RFX3: variants seen among roughly 807,000 people sequenced by gnomAD.
RFX3 encodes the protein regulatory factor X3.
RFX3 carries 14 observed loss-of-function variants against 98.6 expected under a neutral mutation model. The ratio of observed to expected loss-of-function variants is 0.14; its 90% CI spans 0.09 to 0.22. The LOEUF is 0.22. RFX3 is among the 10% of genes least tolerant of loss of function. RFX3 has a pLI of 1.00. For missense variants in RFX3, 639 were observed against 926.9 expected, an observed-to-expected ratio of 0.69 and a Z score of 4.03; for synonymous variants, 383 against 328.4, an observed-to-expected ratio of 1.17 and a Z score of -1.80.
At chr9:3,449,240 T>G (rs1319071594) in intron 1 of RFX3, among the ~76,000 whole-genome samples, 1 of 152,196 alleles carries the variant, frequency 6.6e-6, no homozygotes, top group Non-Finnish European at 1.5e-5. Context: ...AAGATCATTG[T>G]TTCTAGGCTC....
chr9:3,466,406 A>G (rs914742141), intron 1 of RFX3, among the ~76,000 whole-genome samples: 1 of 152,218 alleles, frequency 6.6e-6, no homozygotes, highest in African/African-American at 2.4e-5. Flanking sequence ...AAAAGAAAAA[A>G]ATGTGATGCA....
intron 16 of RFX3, among the ~76,000 whole-genome samples, chr9:3,227,808 G>C (rs1158517256): frequency 6.6e-6 from 1 of 152,098 alleles, no homozygotes; most frequent in Admixed American, 6.6e-5. Context: ...GTATATATTT[G>C]TAGCAACAAT....
In RFX3 at chr9:3,225,423, C is replaced by A. The variant is rs1351441345; in HGVS notation, c.2012-143G>T. On this transcript the variant is annotated intron_variant, in intron 16 of 16. Transcript: ENST00000617270. The stretch of plus-strand genomic sequence containing the variant: ...TCAGGAAACAAAGCTTAGAGGTTTT[C>A]TTTTCATCAGATTTTATTCATATCA... 3 of 1,279,930 alleles carry A rather than the reference C, an allele frequency of 2.3e-6. No homozygotes were observed. The East Asian group carries it at 7.6e-5, about 32-fold the overall frequency. The allele number at this position is 1,279,930 out of a possible 1,614,324, so 79.3% of individuals were successfully genotyped here.
At chr9:3,343,049 C>G (rs561948124) in intron 3 of RFX3, among the ~76,000 whole-genome samples, 2 of 152,308 alleles carry the variant, frequency 1.3e-5, no homozygotes, top group African/African-American at 4.8e-5. Context: ...GCCTGTTATG[C>G]TGGCAGTAAT....
intron 12 of RFX3, among the ~76,000 whole-genome samples, chr9:3,265,969 T>C (rs1291551326): frequency 1.3e-5 from 2 of 151,992 alleles, no homozygotes; most frequent in African/African-American, 4.8e-5. Flanking sequence ...AAAGAGCTTA[T>C]AAATGCACCA....
intron 1 of RFX3, among the ~76,000 whole-genome samples, chr9:3,405,658 C>T (rs1269091687): frequency 6.6e-6 from 1 of 152,088 alleles, no homozygotes; most frequent in Non-Finnish European, 1.5e-5. Flanking sequence ...AAAGTAAGAG[C>T]CAGATTTCTT....
Position 3,424,413 on chromosome 9 carries a change from G to A in RFX3, c.-8-28817C>T, listed in dbSNP as rs142545170. Among the ~76,000 whole-genome samples the A allele has an allele frequency of 6.8e-5, 9 of 132,726 alleles. No individual in the cohort carries two copies. The Admixed American group carries it at 7.5e-4, about 11-fold the overall frequency. The allele number at this position is 132,726 out of a possible 152,430, so 87.1% of individuals were successfully genotyped here. Reference sequence around the variant, plus strand: ...GTCTCGCTCTGTCGCCCAGGCTGGAGTGCAGTGGCGCGATCTCGACTCACT... The same window carrying A: ...GTCTCGCTCTGTCGCCCAGGCTGGAATGCAGTGGCGCGATCTCGACTCACT... On this transcript the variant is annotated intron_variant, in intron 1 of 16. Transcript: ENST00000617270.
chr9:3,467,149 A>ATATATATAAG, intron 1 of RFX3, among the ~76,000 whole-genome samples: 1 of 97,626 alleles, frequency 1.0e-5, no homozygotes, highest in South Asian at 2.6e-4. Flanking sequence ...TATATACATA[A>ATATATATAAG]TATATATGTA....
intron 3 of RFX3, among the ~76,000 whole-genome samples, chr9:3,339,475 G>A (rs900337344): frequency 6.6e-6 from 1 of 152,224 alleles, no homozygotes; most frequent in Non-Finnish European, 1.5e-5. Flanking sequence ...TAAGAAAGCT[G>A]TGTGAATGCC....
At chr9:3,227,249 C>T (rs1232046433) in intron 16 of RFX3, among the ~76,000 whole-genome samples, 1 of 152,126 alleles carries the variant, frequency 6.6e-6, no homozygotes, top group African/African-American at 2.4e-5. Flanking sequence ...GAGGAAAGTT[C>T]CTCTGTCTAT....
At chr9:3,456,057 T>C (rs761987318) in intron 1 of RFX3, among the ~76,000 whole-genome samples, 8 of 152,246 alleles carry the variant, frequency 5.3e-5, no homozygotes, top group Non-Finnish European at 8.8e-5. Flanking sequence ...TGTCCTCACA[T>C]GGCAGAAGGC....
intron 1 of RFX3, among the ~76,000 whole-genome samples, chr9:3,396,619 GA>G (rs71495495): frequency 0.1 from 15,715 of 152,146 alleles, 922 homozygotes; most frequent in African/African-American, 0.16. Context: ...TCGCCACACT[GA>G]CTTCCACAAT....
chr9:3,307,231 T>C (rs1252907668), intron 4 of RFX3, among the ~76,000 whole-genome samples: 1 of 152,106 alleles, frequency 6.6e-6, no homozygotes, highest in Non-Finnish European at 1.5e-5. Context: ...TTCAGCAGCA[T>C]GAAAATGAAC....
At chr9:3,472,548 C>A (rs1418486225) in intron 1 of RFX3, among the ~76,000 whole-genome samples, 1 of 152,028 alleles carries the variant, frequency 6.6e-6, no homozygotes, top group Non-Finnish European at 1.5e-5. Flanking sequence ...ATAAACACTT[C>A]TCCAGACAGC....
At chr9:3,354,192 A>C (rs1185816400) in intron 2 of RFX3, among the ~76,000 whole-genome samples, 1 of 152,030 alleles carries the variant, frequency 6.6e-6, no homozygotes. Context: ...TAGTAGTCTC[A>C]GACAGAGAAG....
At chr9:3,384,663 A>G (rs1017618571) in intron 2 of RFX3, among the ~76,000 whole-genome samples, 2 of 152,194 alleles carry the variant, frequency 1.3e-5, no homozygotes, top group African/African-American at 4.8e-5. Flanking sequence ...AATGGTAGGT[A>G]AATTCAAAAT....
At chr9:3,230,350 G>C (rs1818301859) in intron 15 of RFX3, among the ~76,000 whole-genome samples, 2 of 152,068 alleles carry the variant, frequency 1.3e-5, no homozygotes, top group Non-Finnish European at 2.9e-5. Flanking sequence ...CACTGTTTTA[G>C]AGCTATTTTT....
chr9:3,424,836 T>C (rs1843851243), intron 1 of RFX3, among the ~76,000 whole-genome samples: 1 of 152,164 alleles, frequency 6.6e-6, no homozygotes, highest in African/African-American at 2.4e-5. Context: ...CATCCTGAGA[T>C]TTTCTCACAA....
intron 13 of RFX3, among the ~76,000 whole-genome samples, chr9:3,257,774 T>G (rs956209025): frequency 6.6e-6 from 1 of 152,198 alleles, no homozygotes; most frequent in African/African-American, 2.4e-5. Flanking sequence ...TCAAGGGCTA[T>G]CAAGGCAAGG....
Sources: gnomAD v4.1 joint callset for allele counts (sites outside exome capture counted in the v4.1 genomes callset) on GRCh38, gnomAD v4.1.1 for gene constraint, MANE v1.5 for transcripts, NCBI Gene and HGNC (gene_info 2026-07-23, HGNC 2026-07-21) for gene names.